The following EFEMP1 variants were observed in gnomAD, a reference collection of about 807,000 sequenced individuals.
EFEMP1 encodes EGF-containing fibulin-like extracellular matrix protein 1.
Under a neutral mutation model 65.7 loss-of-function variants are expected in EFEMP1, and 18 were observed. The ratio of observed to expected loss-of-function variants is 0.27; its 90% CI spans 0.19 to 0.41. EFEMP1 has a LOEUF of 0.41. EFEMP1 is among the 10% of genes least tolerant of loss of function. The probability of loss-of-function intolerance (pLI) is 1.00; values close to 1 mark genes in which losing one functional copy is unlikely to be tolerated. For synonymous variants in EFEMP1, 237 were observed against 219.7 expected, an observed-to-expected ratio of 1.08 and a Z score of -0.70; for missense variants, 469 against 624.8, an observed-to-expected ratio of 0.75 and a Z score of 2.66.
intron 5 of EFEMP1, among the ~76,000 whole-genome samples, chr2:55,907,066 G>C (rs1053470757): frequency 5.9e-5 from 9 of 152,148 alleles, no homozygotes; most frequent in African/African-American, 1.7e-4. Flanking sequence ...ACTGTCCAGG[G>C]TGTCCTGTTC....
chr2:55,884,135 C>A (rs1174301397), intron 5 of EFEMP1, among the ~76,000 whole-genome samples: 2 of 152,112 alleles, frequency 1.3e-5, no homozygotes, highest in African/African-American at 2.4e-5. Flanking sequence ...GAATATTTAT[C>A]CTCTCCTTTG....
At chr2:55,884,680 C>A (rs2104397096) in intron 5 of EFEMP1, among the ~76,000 whole-genome samples, 1 of 152,288 alleles carries the variant, frequency 6.6e-6, no homozygotes, top group Admixed American at 6.5e-5. Flanking sequence ...TCAGGTCAGC[C>A]ATGATTTTCC....
chr2:55,884,623 A>G (rs527783018), intron 5 of EFEMP1, among the ~76,000 whole-genome samples: 54 of 152,324 alleles, frequency 3.5e-4, no homozygotes, highest in Middle Eastern at 3.4e-3. Context: ...TGTATGGGAG[A>G]ATATCTGCAT....
In EFEMP1 at chr2:55,919,975, C is replaced by G. The variant is rs541278847; in HGVS notation, c.82-1708G>C. Among the ~76,000 whole-genome samples the G allele has an allele frequency of 1.3e-5, 2 of 152,310 alleles. No homozygotes were observed. The highest frequency in any genetic ancestry group is 3.9e-4 in the East Asian group (2 of 5,172). ...GCCCCGCATCTCTACATGCTGCATA[C>G]AGACCCCATGATCTTTCTTGTGCTC... On this transcript the variant is annotated intron_variant, in intron 3 of 11. Coordinates refer to ENST00000355426, the MANE Select transcript of EFEMP1 (RefSeq NM_001039348.3). The surrounding 1 kb of genome is among the most constrained non-coding windows in gnomAD (Gnocchi z 4.5).
chr2:55,910,613 C>CCCGGGCTTGCAATTCTACTCTT (rs1407504536), intron 5 of EFEMP1, among the ~76,000 whole-genome samples: 2 of 152,148 alleles, frequency 1.3e-5, no homozygotes, highest in African/African-American at 4.8e-5. Context: ...CCTGAAGTTA[C>CCCGGGCTTGCAATTCTACTCTT]CCGGGCTTGC....
intron 5 of EFEMP1, among the ~76,000 whole-genome samples, chr2:55,913,782 G>A (rs1348704019): frequency 6.6e-6 from 1 of 152,014 alleles, no homozygotes; most frequent in Non-Finnish European, 1.5e-5. Flanking sequence ...GGCTGAGGTG[G>A]GCACATCATC....
chr2:55,906,613 G>T (rs902214173), intron 5 of EFEMP1, among the ~76,000 whole-genome samples: 3 of 151,032 alleles, frequency 2.0e-5, no homozygotes, highest in East Asian at 3.9e-4. Context: ...TCCAGGACAT[G>T]AACTGTTTTA....
intron 6 of EFEMP1, among the ~76,000 whole-genome samples, chr2:55,880,653 C>A (rs1011739824): frequency 6.6e-6 from 1 of 152,196 alleles, no homozygotes; most frequent in African/African-American, 2.4e-5. Context: ...ACATCCTCAC[C>A]CTCTGTTCCT....
chr2:55,878,688 T>A (rs746746339), intron 6 of EFEMP1, among the ~76,000 whole-genome samples: 1 of 137,648 alleles, frequency 7.3e-6, no homozygotes, highest in East Asian at 2.0e-4. Context: ...CAAACCTTTA[T>A]GCTGGGCTCT....
At position 55,886,956 on chromosome 2, in the gene EFEMP1, A is replaced by T. The variant is rs1669442468; in HGVS notation, c.518-5222T>A. Among the ~76,000 whole-genome samples the T allele has an allele frequency of 6.6e-6, 1 of 152,160 alleles. No homozygotes were observed. The highest frequency in any genetic ancestry group is 2.4e-5 in the African/African-American group (1 of 41,458). ...TGAAATCTGATTTAGAAAAAAGTATATAATATTTTATACAGATTCATATAC... is the reference window on the plus strand; with the variant it reads ...TGAAATCTGATTTAGAAAAAAGTATTTAATATTTTATACAGATTCATATAC... On this transcript the variant is annotated intron_variant, in intron 5 of 11. Coordinates refer to ENST00000355426, the MANE Select transcript of EFEMP1 (RefSeq NM_001039348.3). This position sits in a 1 kb window ranked among gnomAD's most constrained non-coding sequence, Gnocchi z 4.0.
chr2:55,916,154 G>A (rs1389052877), intron 5 of EFEMP1, among the ~76,000 whole-genome samples: 6 of 146,454 alleles, frequency 4.1e-5, no homozygotes, highest in Non-Finnish European at 8.9e-5. Context: ...CTGTTGCCCA[G>A]GCTGGAGTGC....
At chr2:55,869,051 A>C (rs1668698733) in intron 11 of EFEMP1, among the ~76,000 whole-genome samples, 1 of 152,180 alleles carries the variant, frequency 6.6e-6, no homozygotes, top group Non-Finnish European at 1.5e-5. Flanking sequence ...CAAAATTGGC[A>C]ATGTTTTCTA....
intron 5 of EFEMP1, among the ~76,000 whole-genome samples, chr2:55,898,640 A>G (rs1267367908): frequency 2.0e-5 from 3 of 151,908 alleles, no homozygotes; most frequent in Non-Finnish European, 4.4e-5. Context: ...TTTCCTCCTC[A>G]TCCTACACCT....
chr2:55,895,289 G>T (rs1243864706), intron 5 of EFEMP1, among the ~76,000 whole-genome samples: 2 of 152,184 alleles, frequency 1.3e-5, no homozygotes, highest in African/African-American at 4.8e-5. Context: ...ATAACAGATG[G>T]TTCCATACAT....
intron 5 of EFEMP1, among the ~76,000 whole-genome samples, chr2:55,907,692 G>A (rs1430197): frequency 0.41 from 62,660 of 152,042 alleles, 13,383 homozygotes; most frequent in East Asian, 0.74. Context: ...TCCCTAACCC[G>A]GGTTGTGACA....
At chr2:55,916,507 A>C (rs1572849041) in intron 5 of EFEMP1, among the ~76,000 whole-genome samples, 1 of 152,230 alleles carries the variant, frequency 6.6e-6, no homozygotes, top group East Asian at 1.9e-4. Flanking sequence ...AGGGCACAAG[A>C]AAATGCATCT....
At chr2:55,915,032 T>G (rs1345591785) in intron 5 of EFEMP1, among the ~76,000 whole-genome samples, 2 of 152,238 alleles carry the variant, frequency 1.3e-5, no homozygotes, top group Non-Finnish European at 2.9e-5. Context: ...TGACTCGACT[T>G]ATGTTAGTCA....
chr2:55,907,667 T>A (rs186922891), intron 5 of EFEMP1, among the ~76,000 whole-genome samples: 1 of 152,224 alleles, frequency 6.6e-6, no homozygotes, highest in Non-Finnish European at 1.5e-5. Context: ...AACATCATCA[T>A]TGAATAAAAA....
At chr2:55,876,975 C>T (rs957827256) in intron 7 of EFEMP1, among the ~76,000 whole-genome samples, 10 of 151,752 alleles carry the variant, frequency 6.6e-5, no homozygotes, top group East Asian at 1.9e-4. Flanking sequence ...TTGGAAATAC[C>T]GAAATATTTT....
Sources: gnomAD v4.1 joint callset for allele counts (sites outside exome capture counted in the v4.1 genomes callset) on GRCh38, gnomAD v4.1.1 for gene constraint, Gnocchi (gnomAD v3.1) non-coding constraint, MANE v1.5 for transcripts, NCBI Gene and HGNC (gene_info 2026-07-23, HGNC 2026-07-21) for gene names.